The following MARCHF7 variants were observed in gnomAD, a reference collection of about 807,000 sequenced individuals.
MARCHF7 encodes membrane associated ring-CH-type finger 7, also known as E3 ubiquitin-protein ligase MARCHF7.
A neutral mutation model predicts 76.5 loss-of-function variants in MARCHF7; 20 were observed. That is an observed-to-expected ratio of 0.26 (90% CI 0.18 to 0.38). The LOEUF (loss-of-function observed/expected upper bound fraction) is 0.38, where lower values mean the gene tolerates loss of function less well. MARCHF7 is among the 10% of genes least tolerant of loss of function. The pLI is 1.00. For missense variants in MARCHF7, 797 were observed against 812.9 expected, an observed-to-expected ratio of 0.98 and a Z score of 0.24; for synonymous variants, 295 against 293.0, an observed-to-expected ratio of 1.01 and a Z score of -0.07.
intron 7 of MARCHF7, among the ~76,000 whole-genome samples, chr2:159,750,821 C>A (rs1461791555): frequency 6.6e-6 from 1 of 151,504 alleles, no homozygotes; most frequent in Non-Finnish European, 1.5e-5. Context: ...TTCACAAAGG[C>A]CTAATAGAAT....
At chr2:159,733,628 T>C in intron 4 of MARCHF7, 3 of 985,106 alleles carry the variant, frequency 3.0e-6, no homozygotes, top group Non-Finnish European at 3.6e-6. Context: ...TCTCAGGCAC[T>C]TGGTAAATCT....
intron 7 of MARCHF7, among the ~76,000 whole-genome samples, chr2:159,752,087 T>C (rs1372795083): frequency 1.3e-5 from 2 of 152,220 alleles, no homozygotes; most frequent in Non-Finnish European, 2.9e-5. Context: ...GAGAAAAATA[T>C]AGATCTTAAA....
intron 4 of MARCHF7, among the ~76,000 whole-genome samples, chr2:159,731,773 C>A (rs936065522): frequency 6.6e-6 from 1 of 150,838 alleles, no homozygotes; most frequent in East Asian, 2.0e-4. Flanking sequence ...AATTCCATTT[C>A]TTATTATGTT....
intron 7 of MARCHF7, 35 bp downstream of exon 7, chr2:159,748,938 A>C (rs1219201136): frequency 6.7e-7 from 1 of 1,494,666 alleles, no homozygotes; most frequent in Non-Finnish European, 8.9e-7. Context: ...CCTATAAATC[A>C]AAAATAGAGA....
At chr2:159,756,729 T>A (rs529163131) in intron 8 of MARCHF7, among the ~76,000 whole-genome samples, 2 of 148,268 alleles carry the variant, frequency 1.3e-5, no homozygotes, top group African/African-American at 5.0e-5. Flanking sequence ...TGATTCAGAT[T>A]CACTCTTAAA....
chr2:159,756,556 G>A (rs996020432), intron 8 of MARCHF7, among the ~76,000 whole-genome samples: 5 of 151,394 alleles, frequency 3.3e-5, no homozygotes, highest in South Asian at 2.1e-4. Flanking sequence ...GTGTGGTGGC[G>A]CACACCTGTA....
intron 3 of MARCHF7, among the ~76,000 whole-genome samples, chr2:159,720,223 A>G (rs777556492): frequency 9.9e-5 from 15 of 152,184 alleles, no homozygotes; most frequent in Admixed American, 3.3e-4. Context: ...ATGGGGTTTC[A>G]CCATGTTGGC....
intron 8 of MARCHF7, among the ~76,000 whole-genome samples, chr2:159,758,198 CAAAG>C (rs1334298413): frequency 6.6e-6 from 1 of 152,056 alleles, no homozygotes; most frequent in Non-Finnish European, 1.5e-5. Flanking sequence ...TATAAACAAA[CAAAG>C]GAAAAGGCAG....
chr2:159,722,423 C>T (rs1315556888), intron 3 of MARCHF7, among the ~76,000 whole-genome samples: 1 of 152,194 alleles, frequency 6.6e-6, no homozygotes, highest in Non-Finnish European at 1.5e-5. Context: ...TGTAAGCCAC[C>T]ATGCCCAGCC....
At chr2:159,732,057 T>C in intron 4 of MARCHF7, among the ~76,000 whole-genome samples, 1 of 151,918 alleles carries the variant, frequency 6.6e-6, no homozygotes, top group Non-Finnish European at 1.5e-5. Context: ...TGAATCAAGA[T>C]CACGCCACTG....
Position 159,752,588 on chromosome 2 carries a change from T to G in MARCHF7, c.1783+17T>G. 1 of 1,450,622 alleles carries G rather than the reference T, an allele frequency of 6.9e-7. No individual in the cohort carries two copies. Among genetic ancestry groups the G allele is most frequent in the Non-Finnish European group, 9.1e-7 (1 of 1,094,996 alleles). 89.9% of individuals were successfully genotyped at this position (1,450,622 alleles called of 1,614,324 possible). On this transcript the variant is annotated intron_variant, in intron 8 of 11. Coordinates refer to ENST00000409175, the MANE Select transcript of MARCHF7 (RefSeq NM_001282805.2). ...TTAACTCTGGTAAGATTTACCCTTTTGTGTTTTCACAATTTTTCTAAGAGA... is the reference window on the plus strand; with the variant it reads ...TTAACTCTGGTAAGATTTACCCTTTGGTGTTTTCACAATTTTTCTAAGAGA...
In MARCHF7 at chr2:159,770,225, A is replaced by G. The variant is rs996502110; in HGVS notation, c.*2883A>G. ...GTAGTGTTCAATATTGACATTAGTAATAGTCTATCAATAATAAAATAGACA... is the reference window on the plus strand; with the variant it reads ...GTAGTGTTCAATATTGACATTAGTAGTAGTCTATCAATAATAAAATAGACA... On this transcript the variant is annotated 3_prime_UTR_variant, in exon 12 of 12. Transcript: ENST00000409175. The G allele has an allele frequency of 3.9e-4, 60 of 152,192 alleles. 1 individual carries two copies. The highest frequency in any genetic ancestry group is 2.9e-5 in the Non-Finnish European group (2 of 68,046). 9.4% of individuals were successfully genotyped at this position (152,192 alleles called of 1,614,324 possible).
intron 3 of MARCHF7, among the ~76,000 whole-genome samples, chr2:159,721,843 G>A (rs1276446437): frequency 6.6e-6 from 1 of 152,142 alleles, no homozygotes; most frequent in Non-Finnish European, 1.5e-5. Context: ...TAGAATTTCA[G>A]GATGTCAGTT....
At chr2:159,760,727 GTTTTTGT>G (rs1706944301) in intron 9 of MARCHF7, among the ~76,000 whole-genome samples, 1 of 142,214 alleles carries the variant, frequency 7.0e-6, no homozygotes, top group Non-Finnish European at 1.5e-5. Flanking sequence ...TTTTGTTTTT[GTTTTTGT>G]TTTTTGTTTT....
At chr2:159,742,261 T>A (rs1004046006) in intron 4 of MARCHF7, among the ~76,000 whole-genome samples, 4 of 151,968 alleles carry the variant, frequency 2.6e-5, no homozygotes, top group Non-Finnish European at 5.9e-5. Flanking sequence ...TTTTTTTTTG[T>A]TTTTTAGCAT....
intron 11 of MARCHF7, among the ~76,000 whole-genome samples, chr2:159,764,879 A>G (rs978668666): frequency 6.7e-6 from 1 of 149,664 alleles, no homozygotes; most frequent in African/African-American, 2.5e-5. Context: ...GTATGGAAGC[A>G]TGTAATTTTA....
intron 3 of MARCHF7, among the ~76,000 whole-genome samples, chr2:159,728,416 T>C (rs1206040768): frequency 6.6e-6 from 1 of 152,228 alleles, no homozygotes; most frequent in African/African-American, 2.4e-5. Context: ...TAAAATACTT[T>C]AAATGATTCT....
intron 3 of MARCHF7, among the ~76,000 whole-genome samples, chr2:159,719,646 A>G (rs549431120): frequency 1.1e-4 from 16 of 151,870 alleles, no homozygotes; most frequent in African/African-American, 3.6e-4. Flanking sequence ...CCAGTTTTTC[A>G]ATTTTACCTA....
chr2:159,743,446 TAGA>T (rs1704389109), intron 5 of MARCHF7, among the ~76,000 whole-genome samples, 193 bp downstream of exon 5: 3 of 152,222 alleles, frequency 2.0e-5, no homozygotes, highest in Admixed American at 2.0e-4. Flanking sequence ...AAAATTGATA[TAGA>T]TATCCTAAAC....
Sources: allele counts gnomAD v4.1 joint callset (sites outside exome capture counted in the v4.1 genomes callset), GRCh38; gene constraint gnomAD v4.1.1; transcripts MANE v1.5; gene names NCBI Gene and HGNC (gene_info 2026-07-23, HGNC 2026-07-21).